Variants in ST6GAL2 observed in about 807,000 individuals in gnomAD.
ST6GAL2 encodes ST6 beta-galactoside alpha-2,6-sialyltransferase 2.
In ST6GAL2, 24 loss-of-function variants were observed where a neutral mutation model predicts 37.5. The ratio of observed to expected loss-of-function variants is 0.64; its 90% CI spans 0.46 to 0.90. The LOEUF is 0.90. Ranked by LOEUF, ST6GAL2 falls within the 40% of genes least tolerant of loss-of-function variation. The pLI, the probability that ST6GAL2 is intolerant of heterozygous loss-of-function variation, is 0.00. For synonymous variants in ST6GAL2, 306 were observed against 295.1 expected, an observed-to-expected ratio of 1.04 and a Z score of -0.38; for missense variants, 715 against 712.7, an observed-to-expected ratio of 1.00 and a Z score of -0.04.
In ST6GAL2 at chr2:106,807,916, G is replaced by A. The variant is rs948975276; in HGVS notation, c.1319-967C>T. Reference sequence around the variant, plus strand: ...TGGGATTACAGGCATGAGCCACCGCGCCAGGCCTGAGTACATTTTATTCTT... The same window carrying A: ...TGGGATTACAGGCATGAGCCACCGCACCAGGCCTGAGTACATTTTATTCTT... On this transcript the variant is annotated intron_variant, in intron 5 of 5. Coordinates refer to ENST00000409382, the MANE Select transcript of ST6GAL2 (RefSeq NM_001142351.2). Among the ~76,000 whole-genome samples the A allele has an allele frequency of 2.0e-5, 3 of 151,902 alleles. No individual in the cohort carries two copies. In the East Asian group the frequency reaches 5.8e-4, roughly 29 times the overall value.
intron 1 of ST6GAL2, among the ~76,000 whole-genome samples, chr2:106,875,170 GTTTC>G (rs1265606172): frequency 1.5e-5 from 2 of 137,338 alleles, no homozygotes; most frequent in Non-Finnish European, 3.1e-5. Context: ...TACTTTTTTT[GTTTC>G]TTTTTTTTTT....
At chr2:106,851,476 A>C (rs1448113) in intron 1 of ST6GAL2, among the ~76,000 whole-genome samples, 2 of 152,154 alleles carry the variant, frequency 1.3e-5, no homozygotes, top group African/African-American at 4.8e-5. Context: ...GTTGTCAGAT[A>C]AAACTATGAA....
intron 1 of ST6GAL2, among the ~76,000 whole-genome samples, chr2:106,850,952 G>A (rs1677335062): frequency 6.6e-6 from 1 of 152,198 alleles, no homozygotes. Flanking sequence ...GCACCAATGG[G>A]ACAGTGCTCC....
At chr2:106,811,988 G>A (rs1675629373) in intron 5 of ST6GAL2, among the ~76,000 whole-genome samples, 2 of 152,132 alleles carry the variant, frequency 1.3e-5, no homozygotes, top group South Asian at 2.1e-4. Flanking sequence ...CCAGCAATGA[G>A]TTGTGACCAC....
At position 106,820,250 on chromosome 2, in the gene ST6GAL2, T is replaced by C. The variant is rs140164325; in HGVS notation, c.1318+9816A>G. On this transcript the variant is annotated intron_variant, in intron 5 of 5. Coordinates refer to ENST00000409382, the MANE Select transcript of ST6GAL2 (RefSeq NM_001142351.2). ...CACACTTCACCAATAAAGAGACACA[T>C]AGACTGAAAATAAGGAGATAGAAAA... 2.2e-3 allele frequency among the ~76,000 whole-genome samples: 335 copies of C among 151,832 alleles called. 2 individuals carry two copies. Among genetic ancestry groups the C allele is most frequent in the African/African-American group, 7.8e-3 (325 of 41,422 alleles).
chr2:106,884,251 G>A (rs1238740168), intron 1 of ST6GAL2, among the ~76,000 whole-genome samples: 1 of 152,198 alleles, frequency 6.6e-6, no homozygotes, highest in Non-Finnish European at 1.5e-5. Flanking sequence ...TCACCCCACA[G>A]AGTAAACCTT....
At chr2:106,836,624 T>C (rs1303553498) in intron 2 of ST6GAL2, among the ~76,000 whole-genome samples, 1 of 151,748 alleles carries the variant, frequency 6.6e-6, no homozygotes, top group African/African-American at 2.4e-5. Flanking sequence ...TGATGCATTT[T>C]GTTATAAAGA....
At chr2:106,868,600 C>T (rs1460643106) in intron 1 of ST6GAL2, among the ~76,000 whole-genome samples, 1 of 152,160 alleles carries the variant, frequency 6.6e-6, no homozygotes. Flanking sequence ...TTCAAACATG[C>T]TTGCTGCTAA....
intron 5 of ST6GAL2, among the ~76,000 whole-genome samples, chr2:106,818,947 T>C (rs887235060): frequency 1.3e-5 from 2 of 152,072 alleles, no homozygotes; most frequent in African/African-American, 4.8e-5. Context: ...GCAATTGACA[T>C]ACCAAGGAAT....
At chr2:106,821,453 C>T (rs1159684176) in intron 5 of ST6GAL2, among the ~76,000 whole-genome samples, 1 of 151,466 alleles carries the variant, frequency 6.6e-6, no homozygotes, top group Non-Finnish European at 1.5e-5. Flanking sequence ...CACATACAAT[C>T]TAGTAAGATT....
chr2:106,826,873 G>A (rs1304981054), intron 5 of ST6GAL2, among the ~76,000 whole-genome samples: 1 of 152,210 alleles, frequency 6.6e-6, no homozygotes, highest in Non-Finnish European at 1.5e-5. Context: ...GAGCATATCA[G>A]TATAGGAAGT....
chr2:106,821,798 TA>T (rs200274293), intron 5 of ST6GAL2, among the ~76,000 whole-genome samples: 1 of 151,986 alleles, frequency 6.6e-6, no homozygotes, highest in Non-Finnish European at 1.5e-5. Flanking sequence ...AACGACACAT[TA>T]AAAAACCATT....
At chr2:106,821,199 AG>A (rs1428526361) in intron 5 of ST6GAL2, among the ~76,000 whole-genome samples, 4 of 151,812 alleles carry the variant, frequency 2.6e-5, no homozygotes, top group Non-Finnish European at 5.9e-5. Flanking sequence ...TGGAACATAA[AG>A]TTGGCTTTTT....
At chr2:106,846,642 T>G (rs189564201) in intron 1 of ST6GAL2, among the ~76,000 whole-genome samples, 6 of 152,334 alleles carry the variant, frequency 3.9e-5, no homozygotes, top group Admixed American at 3.9e-4. Flanking sequence ...CATGTATAAA[T>G]TGTGGCTTTT....
chr2:106,822,268 C>A (rs937516953), intron 5 of ST6GAL2, among the ~76,000 whole-genome samples: 1 of 152,050 alleles, frequency 6.6e-6, no homozygotes, highest in Non-Finnish European at 1.5e-5. Flanking sequence ...CCTAAAGACT[C>A]CGCCAAAAAA....
At chr2:106,857,138 G>A (rs897439371) in intron 1 of ST6GAL2, among the ~76,000 whole-genome samples, 32 of 152,144 alleles carry the variant, frequency 2.1e-4, no homozygotes, top group Non-Finnish European at 3.7e-4. Context: ...TATTTTTGAG[G>A]ATGGAATTTT....
intron 1 of ST6GAL2, among the ~76,000 whole-genome samples, chr2:106,846,904 A>G (rs909369671): frequency 8.5e-5 from 13 of 152,228 alleles, no homozygotes; most frequent in African/African-American, 2.9e-4. Context: ...TGTCATATCC[A>G]TTTTCTAGAT....
At chr2:106,847,160 C>CAT (rs748925856) in intron 1 of ST6GAL2, among the ~76,000 whole-genome samples, 33 of 152,182 alleles carry the variant, frequency 2.2e-4, no homozygotes, top group Non-Finnish European at 4.0e-4. Context: ...ATTTCCATTT[C>CAT]TGAATGTCTT....
rs1324964819 is a variant in ST6GAL2, at chr2:106,843,811, C to A, written c.167G>T (p.Gly56Val). 11 of 1,611,744 alleles carry A rather than the reference C, an allele frequency of 6.8e-6. No homozygotes were observed. Among genetic ancestry groups the A allele is most frequent in the Non-Finnish European group, 9.3e-6 (11 of 1,178,964 alleles). The change falls in exon 2 of 6, where the codon GGG becomes GTG. Residue 56 changes from glycine (G) to valine (V), a missense_variant. This residue lies in a region of ST6GAL2 where 512 missense variants were observed against 488.8 expected (regional missense o/e 1.05). Coordinates refer to ENST00000409382, the MANE Select transcript of ST6GAL2 (RefSeq NM_001142351.2). ...GGCGCCCATGATGGCCCGCTGCTTC[C>A]CCTGCACCGGCAGGAGCCTCCTGGT... is the stretch of plus-strand genomic sequence containing the variant. The part of the protein sequence containing the change: ...LETRRLLPVQ[G>V]KQRAIMGAAH...
Sources: allele counts gnomAD v4.1 joint callset (sites outside exome capture counted in the v4.1 genomes callset), GRCh38; gene constraint gnomAD v4.1.1; regional missense constraint gnomAD v4.1.1; transcripts MANE v1.5; gene names NCBI Gene and HGNC (gene_info 2026-07-23, HGNC 2026-07-21).